The following SYTL5 variants were observed in gnomAD, a reference collection of about 807,000 sequenced individuals.
SYTL5 encodes synaptotagmin-like protein 5.
SYTL5 carries 34 observed loss-of-function variants against 55.9 expected under a neutral mutation model. The ratio of observed to expected loss-of-function variants is 0.61; its 90% CI spans 0.46 to 0.81. The LOEUF is 0.81. Among genes scored for constraint, SYTL5 ranks in the 30% least tolerant of loss-of-function variants. The probability of loss-of-function intolerance (pLI) is 0.00; values close to 1 mark genes in which losing one functional copy is unlikely to be tolerated. For missense variants in SYTL5, 637 were observed against 546.7 expected, an observed-to-expected ratio of 1.17 and a Z score of -1.65; for synonymous variants, 221 against 188.7, an observed-to-expected ratio of 1.17 and a Z score of -1.40.
chrX:38,121,288 G>C (rs962065270), intron 14 of SYTL5, among the ~76,000 whole-genome samples: 1 of 111,519 alleles, frequency 9.0e-6, no homozygotes, highest in African/African-American at 3.3e-5. Context: ...TTCAACATGG[G>C]ATTTGGGTGA....
chrX:38,024,050 G>GA (rs34578085), intron 1 of SYTL5: 26,796 of 108,429 alleles, frequency 0.25, 2,949 homozygotes, highest in Non-Finnish European at 0.33. Context: ...AAGTTCTGTA[G>GA]AAAAAAAAAT....
the SYTL5 span, among the ~76,000 whole-genome samples, chrX:37,981,376 G>C: frequency 4.5e-5 from 5 of 111,207 alleles, no homozygotes; most frequent in Non-Finnish European, 7.5e-5. Context: ...GCTTAATGCA[G>C]CCTCAACCTC....
At chrX:37,941,834 T>A in the SYTL5 span, among the ~76,000 whole-genome samples, 1 of 112,187 alleles carries the variant, frequency 8.9e-6, no homozygotes, top group Non-Finnish European at 1.9e-5. Flanking sequence ...TTTCATAGAA[T>A]AATTTTCTAA....
At chrX:38,078,239 A>G (rs1392801750) in intron 6 of SYTL5, among the ~76,000 whole-genome samples, 4 of 106,032 alleles carry the variant, frequency 3.8e-5, no homozygotes, top group African/African-American at 7.0e-5. Flanking sequence ...AAAAGAGGAA[A>G]GACAATGTTC....
chrX:37,955,420 G>A, the SYTL5 span, among the ~76,000 whole-genome samples: 2 of 111,972 alleles, frequency 1.8e-5, no homozygotes, highest in African/African-American at 6.5e-5. Flanking sequence ...GTCCAAAGAT[G>A]ATGACTCAAA....
the SYTL5 span, among the ~76,000 whole-genome samples, chrX:37,891,479 A>G: frequency 1.8e-5 from 2 of 111,779 alleles, no homozygotes; most frequent in African/African-American, 6.5e-5. Flanking sequence ...GGAGGATTGG[A>G]AAAATGAGAG....
At chrX:37,939,551 A>G in the SYTL5 span, 1 of 112,182 alleles carries the variant, frequency 8.9e-6, no homozygotes, top group African/African-American at 3.2e-5. Flanking sequence ...CTATCTTAGA[A>G]TATTTTATGT....
At chrX:38,024,174 C>A (rs1002783326) in intron 1 of SYTL5, among the ~76,000 whole-genome samples, 2 of 110,608 alleles carry the variant, frequency 1.8e-5, no homozygotes, top group East Asian at 5.8e-4. Flanking sequence ...ACAATCCCCA[C>A]GTGTTGTGGG....
the SYTL5 span, among the ~76,000 whole-genome samples, chrX:37,898,065 A>G: frequency 2.7e-5 from 3 of 111,546 alleles, no homozygotes; most frequent in Non-Finnish European, 5.7e-5. Context: ...GCGCCACTGC[A>G]CTGCAGCCTG....
chrX:38,017,097 T>G (rs931034937), intron 1 of SYTL5, among the ~76,000 whole-genome samples: 82 of 111,449 alleles, frequency 7.4e-4, no homozygotes, highest in African/African-American at 2.5e-3. Context: ...TGTTGTTGTT[T>G]TTTGATGCGA....
At chrX:37,954,954 T>G in the SYTL5 span, among the ~76,000 whole-genome samples, 4 of 111,453 alleles carry the variant, frequency 3.6e-5, no homozygotes, top group Middle Eastern at 9.3e-3. Flanking sequence ...ATATAACTTT[T>G]ATTTAATGAT....
intron 3 of SYTL5, among the ~76,000 whole-genome samples, chrX:38,059,007 C>T: frequency 9.0e-6 from 1 of 111,262 alleles, no homozygotes; most frequent in East Asian, 2.8e-4. Context: ...TCTCTAAACT[C>T]AGTTTGTATA....
the SYTL5 span, among the ~76,000 whole-genome samples, chrX:37,891,647 T>C: frequency 1.8e-5 from 2 of 111,527 alleles, no homozygotes; most frequent in African/African-American, 3.3e-5. Context: ...TCAATAAAGC[T>C]GATATACACA....
intron 1 of SYTL5, among the ~76,000 whole-genome samples, chrX:38,031,720 A>G (rs771161910): frequency 1.8e-5 from 2 of 112,307 alleles, no homozygotes; most frequent in South Asian, 7.5e-4. Context: ...AAGGGGTTGA[A>G]AAAAACAACT....
chrX:37,909,900 C>T, the SYTL5 span, among the ~76,000 whole-genome samples: 1 of 110,450 alleles, frequency 9.1e-6, no homozygotes, highest in Non-Finnish European at 1.9e-5. Context: ...GTCTCCAATT[C>T]CTGACCTCAG....
chrX:37,957,859 T>C, the SYTL5 span, among the ~76,000 whole-genome samples: 1 of 112,228 alleles, frequency 8.9e-6, no homozygotes, highest in Non-Finnish European at 1.9e-5. Context: ...CTTTAGGTAG[T>C]ATAGGTATTT....
intron 7 of SYTL5, among the ~76,000 whole-genome samples, chrX:38,092,039 C>G (rs1279609087): frequency 8.9e-6 from 1 of 112,050 alleles, no homozygotes. Flanking sequence ...AAAAATAAGA[C>G]AGCACAGTAG....
chrX:37,911,597 T>G, the SYTL5 span, among the ~76,000 whole-genome samples: 6 of 111,637 alleles, frequency 5.4e-5, no homozygotes, highest in Non-Finnish European at 1.1e-4. Flanking sequence ...AACATTAATT[T>G]TAAATTATTT....
chrX:37,996,528 C>T, the SYTL5 span, among the ~76,000 whole-genome samples: 11 of 112,388 alleles, frequency 9.8e-5, no homozygotes, highest in African/African-American at 3.2e-4. Context: ...CCAACCAGGC[C>T]AGGGATCACA....
Sources: allele counts gnomAD v4.1 joint callset (sites outside exome capture counted in the v4.1 genomes callset), GRCh38; gene constraint gnomAD v4.1.1; transcripts MANE v1.5; gene names NCBI Gene and HGNC (gene_info 2026-07-23, HGNC 2026-07-21).